MYO3A: variants seen among roughly 807,000 people sequenced by gnomAD.
MYO3A encodes the protein myosin-IIIa.
In MYO3A, 180 loss-of-function variants were observed where a neutral mutation model predicts 192.7. The observed-to-expected ratio is 0.93, with a 90% CI of 0.83 to 1.06. The LOEUF (loss-of-function observed/expected upper bound fraction) is 1.06, where lower values mean the gene tolerates loss of function less well. Ranked by LOEUF, MYO3A falls within the 50% of genes least tolerant of loss-of-function variation. The probability of loss-of-function intolerance (pLI) is 0.00; values close to 1 mark genes in which losing one functional copy is unlikely to be tolerated. For synonymous variants in MYO3A, 628 were observed against 645.3 expected, an observed-to-expected ratio of 0.97 and a Z score of 0.41; for missense variants, 1,896 against 1,905.0, an observed-to-expected ratio of 1.00 and a Z score of 0.09.
Position 26,170,513 on chromosome 10 carries a change from C to G in MYO3A, c.3372C>G (p.Asp1124Glu). 1.7e-5 allele frequency: 28 copies of G among 1,612,524 alleles called. No individual in the cohort carries two copies. Among genetic ancestry groups the G allele is most frequent in the South Asian group, 3.3e-5 (3 of 90,980 alleles). ...TTIQTSDQEF[D>E]YKKNFENTRE... is the part of the protein sequence containing the mutation. ...TTCAAACTTCTGATCAGGAATTCGA[C>G]TACAAGAAAAACTTTGAAAATACAA... The change falls in exon 29 of 35, where the codon GAC (aspartate) becomes GAG (glutamate). Residue 1124 changes from aspartate (D) to glutamate (E), a missense_variant. By Grantham distance (45) the Asp-to-Glu change is conservative. Coordinates refer to ENST00000642920, the MANE Select transcript of MYO3A (RefSeq NM_017433.5).
intron 4 of MYO3A, among the ~76,000 whole-genome samples, chr10:25,987,716 G>A (rs773282113): frequency 3.9e-5 from 6 of 152,016 alleles, no homozygotes; most frequent in South Asian, 2.1e-4. Context: ...ATAGATGTTC[G>A]CATGGAAGCA....
chr10:26,028,162 TACA>T lies in MYO3A; in HGVS notation c.953+1635_953+1637del, dbSNP rs370343369. On this transcript the variant is annotated intron_variant, in intron 10 of 34. Transcript: ENST00000642920. ...TTCATTATGTTATCTCATGTGATTT[TACA>T]ACAAGTCTGAGGAAAATATTTTATG... 8.0e-4 allele frequency among the ~76,000 whole-genome samples: 122 copies of T among 152,350 alleles called. 2 individuals are homozygous for T. The Middle Eastern group carries it at 0.01, about 13-fold the overall frequency.
chr10:26,023,421 T>C lies in MYO3A; in HGVS notation c.732-601T>C, dbSNP rs557108380. ...GATGTTCCTTTGTATTCAACGAATG[T>C]GCCAAAAAATATATTTGTTCAGCTT... On this transcript the variant is annotated intron_variant, in intron 8 of 34. Coordinates refer to ENST00000642920, the MANE Select transcript of MYO3A (RefSeq NM_017433.5). The C allele has an allele frequency of 3.3e-5, 5 of 152,800 alleles. No individual in the cohort carries two copies. The South Asian group carries it at 1.0e-3, about 32-fold the overall frequency. 9.5% of individuals were successfully genotyped at this position (152,800 alleles called of 1,614,324 possible).
chr10:25,983,709 C>T (rs1839477247), intron 4 of MYO3A, among the ~76,000 whole-genome samples: 3 of 152,128 alleles, frequency 2.0e-5, no homozygotes, highest in African/African-American at 7.2e-5. Context: ...GAAAACTTCC[C>T]CAGCCTTGCT....
At chr10:26,179,291 C>T (rs1322023841) in intron 31 of MYO3A, among the ~76,000 whole-genome samples, 2 of 151,344 alleles carry the variant, frequency 1.3e-5, no homozygotes, top group African/African-American at 4.9e-5. Flanking sequence ...TTATTAGAGA[C>T]TGGGTTTTAC....
At chr10:26,154,651 A>G in intron 24 of MYO3A, 95 bp from the exon 25 acceptor site, 2 of 1,144,092 alleles carry the variant, frequency 1.7e-6, no homozygotes, top group South Asian at 2.6e-5. Flanking sequence ...TGAATGCATA[A>G]ACTAAGATAG....
At chr10:26,176,883 G>A in intron 31 of MYO3A, 38 bp downstream of exon 31, 1 of 1,602,204 alleles carries the variant, frequency 6.2e-7, no homozygotes, top group Non-Finnish European at 8.6e-7. Flanking sequence ...TGAATGGGAA[G>A]GAAATGCCAG....
rs538673342 is a variant in MYO3A at position 26,168,738 on chromosome 10, G to A, written c.3138G>A (p.Glu1046=). 3.1e-6 allele frequency: 5 copies of A among 1,612,968 alleles called. No homozygotes were observed. In the South Asian group the frequency reaches 3.3e-5, roughly 11 times the overall value. The change falls in exon 28 of 35, where the codon GAG becomes GAA. Residue 1046 remains glutamate (E), a synonymous_variant. Coordinates refer to ENST00000642920, the MANE Select transcript of MYO3A (RefSeq NM_017433.5). ...TGTTCCTTAAGTATTATCACGTGGA[G>A]CAGTTAAATCTAATGCGAAAGGAAG... The part of the protein sequence containing the change: ...TKVFLKYYHV[E]QLNLMRKEAI...
intron 20 of MYO3A, among the ~76,000 whole-genome samples, chr10:26,129,119 A>T (rs1839391595): frequency 6.6e-6 from 1 of 152,202 alleles, no homozygotes; most frequent in Non-Finnish European, 1.5e-5. Flanking sequence ...ATTTTATTAA[A>T]TCTAAAGGAG....
At chr10:26,072,083 A>G (rs899689167) in intron 14 of MYO3A, among the ~76,000 whole-genome samples, 2 of 152,122 alleles carry the variant, frequency 1.3e-5, no homozygotes, top group Non-Finnish European at 1.5e-5. Context: ...TGAGAGAAGG[A>G]GGAACTTGCC....
chr10:25,983,761 AC>A (rs1839480146), intron 4 of MYO3A, among the ~76,000 whole-genome samples: 1 of 152,204 alleles, frequency 6.6e-6, no homozygotes, highest in African/African-American at 2.4e-5. Context: ...AGCTCAGAGA[AC>A]ACCTGGGAAA....
At chr10:26,013,127 C>T (rs938967979) in intron 6 of MYO3A, among the ~76,000 whole-genome samples, 15 of 151,902 alleles carry the variant, frequency 9.9e-5, no homozygotes, top group African/African-American at 2.9e-4. Context: ...AAGCAACTCA[C>T]GATGGATCAA....
chr10:26,115,176 G>A (rs1838426042), intron 17 of MYO3A, among the ~76,000 whole-genome samples: 1 of 152,206 alleles, frequency 6.6e-6, no homozygotes, highest in Admixed American at 6.5e-5. Context: ...GGAGACATAG[G>A]AAGATGTGAT....
intron 8 of MYO3A, chr10:26,022,853 A>G (rs564509441): frequency 5.1e-4 from 77 of 152,338 alleles, no homozygotes; most frequent in African/African-American, 1.8e-3. Context: ...GTAACAGGCA[A>G]TGTGCAAAGT....
chr10:26,013,735 G>A lies in MYO3A; in HGVS notation c.509-3085G>A, dbSNP rs113102514. Among the ~76,000 whole-genome samples, 454 of 152,020 alleles carry A rather than the reference G, an allele frequency of 3.0e-3. 2 individuals are homozygous for A. The highest frequency in any genetic ancestry group is 0.01 in the African/African-American group (436 of 41,532). Reference sequence around the variant, plus strand: ...ACTCCTTAAAGAGCTATTAATAAAAGTAGATCTACCATTTGATCCAGCAAT... The same window carrying A: ...ACTCCTTAAAGAGCTATTAATAAAAATAGATCTACCATTTGATCCAGCAAT... On this transcript the variant is annotated intron_variant, in intron 6 of 34. Coordinates refer to ENST00000642920, the MANE Select transcript of MYO3A (RefSeq NM_017433.5).
At chr10:25,945,584 T>G (rs987899556) in intron 2 of MYO3A, among the ~76,000 whole-genome samples, 1 of 152,142 alleles carries the variant, frequency 6.6e-6, no homozygotes, top group African/African-American at 2.4e-5. Flanking sequence ...CTTGGCAAAT[T>G]GACCATTTTA....
Position 26,166,085 on chromosome 10 carries a change from C to CAA in MYO3A, c.3019_3020dup (p.Ser1009ArgfsTer7), listed in dbSNP as rs770090791. On this transcript the variant is annotated frameshift_variant, in exon 27 of 35. Coordinates refer to ENST00000642920, the MANE Select transcript of MYO3A (RefSeq NM_017433.5). LOFTEE classifies it high-confidence loss of function. ...TTCCAAGGTACTACCTTCTCTGCTA[C>CAA]AAGTCGAGCGAGGAGCCCCGCATGA... 6.2e-6 allele frequency: 10 copies of CAA among 1,614,148 alleles called. No homozygotes were observed. Among genetic ancestry groups the CAA allele is most frequent in the Non-Finnish European group, 7.6e-6 (9 of 1,180,012 alleles).
intron 10 of MYO3A, among the ~76,000 whole-genome samples, chr10:26,037,350 A>G (rs1003716241): frequency 6.6e-5 from 10 of 152,218 alleles, no homozygotes; most frequent in Non-Finnish European, 1.5e-4. Flanking sequence ...GAATGCCTTG[A>G]TATGGCTTTA....
chr10:26,194,335 C>T (rs1006864176), intron 32 of MYO3A, among the ~76,000 whole-genome samples: 3 of 152,124 alleles, frequency 2.0e-5, no homozygotes, highest in South Asian at 4.1e-4. Flanking sequence ...TCGTGGGACC[C>T]GTGACTGCTT....
Sources: allele counts gnomAD v4.1 joint callset (sites outside exome capture counted in the v4.1 genomes callset), GRCh38; gene constraint gnomAD v4.1.1; transcripts MANE v1.5; gene names NCBI Gene and HGNC (gene_info 2026-07-23, HGNC 2026-07-21).